ZFX: variants seen among roughly 807,000 people sequenced by gnomAD.
The protein encoded by ZFX is zinc finger protein X-linked.
For missense variants in ZFX, 362 were observed against 628.3 expected (o/e 0.58, Z 4.53); for synonymous variants, 196 against 226.8 (o/e 0.86, Z 1.22).
chrX:24,186,189 C>T (rs1229792083), intron 5 of ZFX, among the ~76,000 whole-genome samples: 2 of 110,931 alleles, frequency 1.8e-5, no homozygotes, highest in Non-Finnish European at 3.8e-5. Flanking sequence ...GCCAGATGTC[C>T]AAGTACTCTC....
chrX:24,195,722 T>G (rs1569158093), intron 5 of ZFX, among the ~76,000 whole-genome samples: 1 of 110,765 alleles, frequency 9.0e-6, no homozygotes, highest in African/African-American at 3.3e-5. Context: ...GCCAGGCTGG[T>G]CTCTTGTGAT....
upstream of ZFX, chrX:24,149,265 G>T: frequency 8.9e-6 from 1 of 112,503 alleles, no homozygotes; most frequent in South Asian, 3.3e-4. Flanking sequence ...TAGGTCTCCA[G>T]GGAGGCCCCC....
chrX:24,207,245 ATT>A (rs78241704), intron 5 of ZFX, 79 bp from the exon 6 acceptor site: 3,555 of 729,973 alleles, frequency 4.9e-3, no homozygotes, highest in Non-Finnish European at 5.2e-3. Flanking sequence ...AAAAAAAAAA[ATT>A]TTTTTTTTTT....
chrX:24,176,430 A>ATT (rs56241839), intron 4 of ZFX, among the ~76,000 whole-genome samples: 1,040 of 66,751 alleles, frequency 0.016, 32 homozygotes, highest in African/African-American at 0.024. Context: ...TTGGCCTTTG[A>ATT]TTTTTTTTTT....
At chrX:24,169,283 G>A (rs1160654786) in intron 3 of ZFX, among the ~76,000 whole-genome samples, 1 of 111,852 alleles carries the variant, frequency 8.9e-6, no homozygotes, top group African/African-American at 3.3e-5. Context: ...TGATGTAAAA[G>A]GATGGGAAGA....
chrX:24,186,593 C>T (rs2704829), intron 5 of ZFX, among the ~76,000 whole-genome samples: 22 of 110,158 alleles, frequency 2.0e-4, no homozygotes, highest in South Asian at 4.0e-4. Flanking sequence ...ATTGTACTTC[C>T]GCCCGGGTGA....
intron 5 of ZFX, among the ~76,000 whole-genome samples, chrX:24,202,998 A>G (rs144461564): frequency 1.8e-5 from 2 of 112,208 alleles, no homozygotes; most frequent in Admixed American, 9.5e-5. Flanking sequence ...GCACAAAGCA[A>G]TAGTGACAAT....
intron 5 of ZFX, among the ~76,000 whole-genome samples, chrX:24,180,416 C>G (rs1170744793): frequency 1.9e-5 from 2 of 105,450 alleles, no homozygotes; most frequent in African/African-American, 7.0e-5. Context: ...GAGTCTTGCT[C>G]TGTCGTCCAG....
chrX:24,155,434 TTTATC>T (rs1186288105), intron 3 of ZFX, among the ~76,000 whole-genome samples: 1 of 111,365 alleles, frequency 9.0e-6, no homozygotes, highest in Non-Finnish European at 1.9e-5. Context: ...CTGTGGTTTA[TTTATC>T]TTTTCTTCTT....
intron 3 of ZFX, among the ~76,000 whole-genome samples, chrX:24,162,800 T>A (rs1351976282): frequency 9.0e-6 from 1 of 111,354 alleles, no homozygotes; most frequent in Admixed American, 9.6e-5. Flanking sequence ...AATTAGAACA[T>A]TTTCGTCACC....
At chrX:24,174,008 C>T (rs1047398366) in intron 4 of ZFX, among the ~76,000 whole-genome samples, 2 of 109,943 alleles carry the variant, frequency 1.8e-5, no homozygotes, top group African/African-American at 6.6e-5. Context: ...GCCAGGAGTT[C>T]AAGACCAACC....
chrX:24,202,494 A>G (rs1937364669), intron 5 of ZFX, among the ~76,000 whole-genome samples: 1 of 111,694 alleles, frequency 9.0e-6, no homozygotes, highest in Admixed American at 9.6e-5. Flanking sequence ...ACTACGGTGG[A>G]CATTCCTCCT....
intron 4 of ZFX, chrX:24,175,452 G>C (rs746682689): frequency 8.9e-6 from 1 of 112,088 alleles, no homozygotes; most frequent in Non-Finnish European, 1.9e-5. Context: ...AGGTATGCAT[G>C]GCAGATACTA....
intron 5 of ZFX, among the ~76,000 whole-genome samples, chrX:24,181,305 T>C (rs968195984): frequency 1.8e-5 from 2 of 112,095 alleles, no homozygotes; most frequent in Non-Finnish European, 3.8e-5. Context: ...GATACAGATA[T>C]GTGCTAAATA....
intron 1 of ZFX, chrX:24,150,742 G>C (rs1932002014): frequency 8.8e-6 from 1 of 113,180 alleles, no homozygotes. Context: ...ATATGTGGCT[G>C]CTAAGGTGCT....
intron 5 of ZFX, among the ~76,000 whole-genome samples, chrX:24,186,597 C>T (rs777782782): frequency 2.7e-5 from 3 of 109,897 alleles, no homozygotes; most frequent in Non-Finnish European, 5.7e-5. Context: ...TACTTCCGCC[C>T]GGGTGACAGA....
Position 24,208,349 on chromosome X carries a change from A to G in ZFX, c.1072A>G (p.Ile358Val). ...DDNEIKTFMP[I>V]AWAAAYGNNS... ...CAATGAAATCAAAACCTTCATGCCG[A>G]TTGCATGGGCAGCAGCTTATGGTAA... Residue 358 changes from isoleucine (I) to valine (V), a missense_variant, in exon 8 of 10, where the codon ATT (isoleucine) becomes GTT (valine). Ile to Val is a conservative substitution (Grantham distance 29). Coordinates refer to ENST00000304543, the MANE Select transcript of ZFX (RefSeq NM_003410.4). 8.3e-7 allele frequency: 1 copy of G among 1,210,394 alleles called. No individual in the cohort carries two copies. The highest frequency in any genetic ancestry group is 1.1e-6 in the Non-Finnish European group (1 of 895,160).
rs1171673822 is a variant in ZFX at position 24,211,867 on chromosome X, AT to A, written c.*494del. 2.6e-5 allele frequency: 3 copies of A among 114,440 alleles called. No homozygotes were observed. The highest frequency in any genetic ancestry group is 3.7e-5 in the Non-Finnish European group (2 of 54,687). 9.4% of individuals were successfully genotyped at this position (114,440 alleles called of 1,213,427 possible). On this transcript the variant is annotated 3_prime_UTR_variant, in exon 10 of 10. Coordinates refer to ENST00000304543, the MANE Select transcript of ZFX (RefSeq NM_003410.4). ...GTCTAATTATCATAACATGGAAGTC[AT>A]TTACTTGTCTTGCTTAATATTTTCA...
intron 3 of ZFX, chrX:24,161,682 CTTTTTCTTTCT>C (rs1447212619): frequency 1.1e-5 from 1 of 88,058 alleles, no homozygotes; most frequent in Admixed American, 1.3e-4. Context: ...TCTTTTTTTT[CTTTTTCTTTCT>C]TTTTTTTTTT....
Sources: gnomAD v4.1 joint callset for allele counts (sites outside exome capture counted in the v4.1 genomes callset) on GRCh38, gnomAD v4.1.1 for gene constraint, MANE v1.5 for transcripts, NCBI Gene and HGNC (gene_info 2026-07-23, HGNC 2026-07-21) for gene names.